Variants in METTL16 observed in about 807,000 individuals in gnomAD.
METTL16 encodes the protein methyltransferase 16, RNA N6-adenosine, also known as RNA N(6)-adenosine-methyltransferase METTL16.
A neutral mutation model predicts 57.9 loss-of-function variants in METTL16; 19 were observed. The observed-to-expected ratio is 0.33, with a 90% CI of 0.23 to 0.48. The LOEUF (loss-of-function observed/expected upper bound fraction) is 0.48, where lower values mean the gene tolerates loss of function less well. Among genes scored for constraint, METTL16 ranks in the 20% least tolerant of loss-of-function variants. The pLI, the probability that METTL16 is intolerant of heterozygous loss-of-function variation, is 0.99. For synonymous variants in METTL16, 246 were observed against 255.6 expected (o/e 0.96, Z 0.36); for missense variants, 434 against 691.5 (o/e 0.63, Z 4.18).
chr17:2,427,900 G>A (rs1421137620), intron 8 of METTL16, among the ~76,000 whole-genome samples: 2 of 150,246 alleles, frequency 1.3e-5, no homozygotes, highest in Non-Finnish European at 2.9e-5. Context: ...GATCACTTGA[G>A]CCCAAGAGTT....
intron 8 of METTL16, among the ~76,000 whole-genome samples, chr17:2,433,159 C>T (rs1175718360): frequency 6.6e-6 from 1 of 152,144 alleles, no homozygotes; most frequent in Admixed American, 6.6e-5. Context: ...CTTATGGGAG[C>T]TCTATGCAAG....
In METTL16 at chr17:2,506,124, T is replaced by C. The variant is rs189512379; in HGVS notation, c.1-3793A>G. 2.0e-4 allele frequency among the ~76,000 whole-genome samples: 31 copies of C among 152,042 alleles called. 1 individual carries two copies. The highest frequency in any genetic ancestry group is 2.0e-3 in the Admixed American group (31 of 15,268). Reference sequence around the variant, plus strand: ...GTTATTCTTTTTATCTGTAACGTTTTTTCCTCCCTCTCTTCAGTCGGCAAA... The same window carrying C: ...GTTATTCTTTTTATCTGTAACGTTTCTTCCTCCCTCTCTTCAGTCGGCAAA... On this transcript the variant is annotated intron_variant, in intron 1 of 9. Transcript: ENST00000263092.
At chr17:2,471,994 A>G (rs888962164) in intron 4 of METTL16, among the ~76,000 whole-genome samples, 1 of 151,926 alleles carries the variant, frequency 6.6e-6, no homozygotes, top group African/African-American at 2.4e-5. Flanking sequence ...GGCGCCTGTC[A>G]TCTCAGCTAC....
chr17:2,507,591 C>T (rs964416196), intron 1 of METTL16, among the ~76,000 whole-genome samples: 1 of 152,066 alleles, frequency 6.6e-6, no homozygotes, highest in African/African-American at 2.4e-5. Flanking sequence ...AAGTGAGGAG[C>T]CCCTCTGCCC....
In METTL16 at chr17:2,418,989, T is replaced by C. The variant is rs1308914897; in HGVS notation, c.*981A>G. 1 of 152,180 alleles carries C rather than the reference T, an allele frequency of 6.6e-6. No homozygotes were observed. The highest frequency in any genetic ancestry group is 2.4e-5 in the African/African-American group (1 of 41,394). The allele number at this position is 152,180 out of a possible 1,614,324, so 9.4% of individuals were successfully genotyped here. Reference sequence around the variant, plus strand: ...CGGCCTCAGAACTCTCCAATGTGAGTAGGTAAGTACAGGGGGGATTACAAG... The same window carrying C: ...CGGCCTCAGAACTCTCCAATGTGAGCAGGTAAGTACAGGGGGGATTACAAG... On this transcript the variant is annotated 3_prime_UTR_variant, in exon 10 of 10. Coordinates refer to ENST00000263092, the MANE Select transcript of METTL16 (RefSeq NM_024086.4).
At chr17:2,435,677 G>A (rs1053343559) in intron 8 of METTL16, among the ~76,000 whole-genome samples, 57 of 151,014 alleles carry the variant, frequency 3.8e-4, no homozygotes, top group African/African-American at 1.2e-3. Context: ...TAGTGGTGGG[G>A]AGGAAGGAAG....
chr17:2,504,509 A>G (rs1291543029), intron 1 of METTL16, among the ~76,000 whole-genome samples: 1 of 152,124 alleles, frequency 6.6e-6, no homozygotes, highest in Non-Finnish European at 1.5e-5. Context: ...TGTATATATG[A>G]TCTATAACCA....
chr17:2,436,790 ATCAT>A (rs1459706375), intron 8 of METTL16: 2 of 117,214 alleles, frequency 1.7e-5, no homozygotes, highest in Non-Finnish European at 3.3e-5. Context: ...TGCCCGGAAA[ATCAT>A]TCAGTCTGGC....
intron 2 of METTL16, among the ~76,000 whole-genome samples, chr17:2,489,554 G>A (rs569918565): frequency 6.6e-5 from 10 of 151,544 alleles, no homozygotes; most frequent in South Asian, 2.1e-4. Flanking sequence ...TAATAGAGAC[G>A]GTGAAATCCC....
chr17:2,422,139 C>G (rs1040073042), intron 8 of METTL16, among the ~76,000 whole-genome samples: 1 of 151,924 alleles, frequency 6.6e-6, no homozygotes, highest in Non-Finnish European at 1.5e-5. Context: ...TGGTGAAACC[C>G]CGTCTCTACC....
intron 2 of METTL16, among the ~76,000 whole-genome samples, chr17:2,500,345 C>T (rs1365809291): frequency 2.0e-5 from 3 of 151,956 alleles, no homozygotes; most frequent in African/African-American, 4.8e-5. Flanking sequence ...GGCACAATCT[C>T]GGCTCACTGC....
chr17:2,489,746 A>AAAAAAAAAAAAAAC (rs1305425330), intron 2 of METTL16, among the ~76,000 whole-genome samples: 1 of 150,530 alleles, frequency 6.6e-6, no homozygotes, highest in East Asian at 1.9e-4. Context: ...AAAAAAAAAA[A>AAAAAAAAAAAAAAC]AAACGAATAC....
intron 4 of METTL16, among the ~76,000 whole-genome samples, chr17:2,468,769 A>G (rs893046307): frequency 1.3e-5 from 2 of 152,174 alleles, no homozygotes; most frequent in Non-Finnish European, 2.9e-5. Context: ...CGAGCCTGTA[A>G]TTCCAGCTAC....
intron 2 of METTL16, among the ~76,000 whole-genome samples, chr17:2,482,546 T>C (rs1309648061): frequency 6.6e-5 from 10 of 152,216 alleles, no homozygotes; most frequent in Admixed American, 5.9e-4. Context: ...TCAGCTTTTA[T>C]ACACAGGGTC....
At chr17:2,465,914 C>T (rs573759151) in intron 5 of METTL16, among the ~76,000 whole-genome samples, 1 of 150,920 alleles carries the variant, frequency 6.6e-6, no homozygotes, top group African/African-American at 2.4e-5. Flanking sequence ...AAGTGTTGAC[C>T]GGGTGTGATG....
At chr17:2,442,669 T>C (rs927365204) in intron 6 of METTL16, among the ~76,000 whole-genome samples, 4 of 151,874 alleles carry the variant, frequency 2.6e-5, no homozygotes, top group East Asian at 3.9e-4. Context: ...ACAGACCCTA[T>C]AGGTATTAAG....
At chr17:2,435,700 G>T (rs1318561629) in intron 8 of METTL16, among the ~76,000 whole-genome samples, 3 of 150,832 alleles carry the variant, frequency 2.0e-5, no homozygotes, top group Non-Finnish European at 4.5e-5. Context: ...TCTGGCAGGG[G>T]GGAGTCTGGG....
rs138716856 is a variant in METTL16, at chr17:2,490,519, A to G, written c.128+11685T>C. 6.1e-3 allele frequency among the ~76,000 whole-genome samples: 936 copies of G among 152,324 alleles called. 35 individuals carry two copies. Among genetic ancestry groups the G allele is most frequent in the Admixed American group, 0.052 (800 of 15,282 alleles). On this transcript the variant is annotated intron_variant, in intron 2 of 9. Coordinates refer to ENST00000263092, the MANE Select transcript of METTL16 (RefSeq NM_024086.4). ...TAATTTCATCTTTTAGGGTGAAAGA[A>G]CTGACTTTTTGTATGTATGTGACAT...
intron 2 of METTL16, among the ~76,000 whole-genome samples, chr17:2,494,180 G>A (rs935502603): frequency 3.3e-5 from 5 of 151,894 alleles, no homozygotes; most frequent in African/African-American, 9.7e-5. Flanking sequence ...CGAGTCGCTG[G>A]GAGGTTAATT....
Sources: gnomAD v4.1 joint callset for allele counts (sites outside exome capture counted in the v4.1 genomes callset) on GRCh38, gnomAD v4.1.1 for gene constraint, MANE v1.5 for transcripts, NCBI Gene and HGNC (gene_info 2026-07-23, HGNC 2026-07-21) for gene names.